CTNNA3: variants seen among roughly 807,000 people sequenced by gnomAD.
CTNNA3 encodes catenin alpha 3, also known as catenin alpha-3.
In CTNNA3, 76 loss-of-function variants were observed where a neutral mutation model predicts 95.7. That is an observed-to-expected ratio of 0.79 (90% CI 0.66 to 0.96). The LOEUF (loss-of-function observed/expected upper bound fraction) is 0.96, where lower values mean the gene tolerates loss of function less well. CTNNA3 is among the 40% of genes least tolerant of loss of function. The pLI, the probability that CTNNA3 is intolerant of heterozygous loss-of-function variation, is 0.00. For synonymous variants in CTNNA3, 431 were observed against 374.4 expected (o/e 1.15, Z -1.74); for missense variants, 1,191 against 1,089.8 (o/e 1.09, Z -1.31).
intron 10 of CTNNA3, among the ~76,000 whole-genome samples, chr10:66,573,236 T>C (rs1378170163): frequency 6.6e-6 from 1 of 152,174 alleles, no homozygotes; most frequent in Non-Finnish European, 1.5e-5. Flanking sequence ...ATTTCAGTGT[T>C]AGGCCTAGCC....
chr10:66,200,942 T>C (rs188199444), intron 13 of CTNNA3, among the ~76,000 whole-genome samples: 5 of 152,150 alleles, frequency 3.3e-5, no homozygotes, highest in African/African-American at 1.2e-4. Flanking sequence ...ATTTTTCTTA[T>C]TATCCATTGT....
rs139467878 is a variant in CTNNA3, at chr10:67,519,338, T to C, written c.579+2504A>G. Among the ~76,000 whole-genome samples the C allele has an allele frequency of 4.6e-5, 7 of 152,262 alleles. No individual in the cohort carries two copies. In the East Asian group the frequency reaches 1.4e-3, roughly 29 times the overall value. On this transcript the variant is annotated intron_variant, in intron 5 of 17. Transcript: ENST00000433211. Reference sequence around the variant, plus strand: ...TTATAGTCAATTCATTGGACATCCATAATTCAGAGTTAACACTGGCATTTT... The same window carrying C: ...TTATAGTCAATTCATTGGACATCCACAATTCAGAGTTAACACTGGCATTTT...
chr10:67,498,674 G>A (rs1228607981), intron 5 of CTNNA3, among the ~76,000 whole-genome samples: 2 of 152,044 alleles, frequency 1.3e-5, no homozygotes, highest in Non-Finnish European at 2.9e-5. Context: ...TTATTCCTAG[G>A]TATTTTATTC....
At chr10:66,933,710 A>T (rs186234681) in intron 7 of CTNNA3, among the ~76,000 whole-genome samples, 1 of 152,226 alleles carries the variant, frequency 6.6e-6, no homozygotes, top group African/African-American at 2.4e-5. Context: ...TTATTGAAAA[A>T]TCACTGGATA....
intron 9 of CTNNA3, among the ~76,000 whole-genome samples, chr10:66,751,866 G>A (rs1002912139): frequency 2.6e-5 from 4 of 152,104 alleles, no homozygotes; most frequent in Non-Finnish European, 2.9e-5. Flanking sequence ...GATTTATGTA[G>A]TATAAAAATA....
intron 7 of CTNNA3, among the ~76,000 whole-genome samples, chr10:67,079,858 AACACACACACACACACACACACACAC>A (rs199928311): frequency 5.7e-5 from 8 of 141,362 alleles, no homozygotes; most frequent in Middle Eastern, 3.5e-3. Flanking sequence ...AAAAAAACAA[AACACACACACACACACACACACACAC>A]ACACACACAC....
intron 11 of CTNNA3, among the ~76,000 whole-genome samples, chr10:66,383,928 C>G (rs2092865207): frequency 6.6e-6 from 1 of 152,008 alleles, no homozygotes; most frequent in Non-Finnish European, 1.5e-5. Flanking sequence ...GCCTGCCTTA[C>G]AAGAGCTCCT....
chr10:67,126,947 T>C (rs1173313761), intron 7 of CTNNA3, among the ~76,000 whole-genome samples: 4 of 152,224 alleles, frequency 2.6e-5, no homozygotes, highest in African/African-American at 9.6e-5. Context: ...TTTTTTCTTC[T>C]GTTAGGGAGC....
chr10:66,110,739 G>A (rs1454449963), intron 13 of CTNNA3, among the ~76,000 whole-genome samples: 1 of 152,072 alleles, frequency 6.6e-6, no homozygotes, highest in Non-Finnish European at 1.5e-5. Context: ...ATATTCGATT[G>A]TCTTACATAT....
intron 13 of CTNNA3, among the ~76,000 whole-genome samples, chr10:66,124,960 A>G (rs1350353910): frequency 6.6e-6 from 1 of 152,182 alleles, no homozygotes; most frequent in Admixed American, 6.5e-5. Context: ...GAGTAGAGTA[A>G]ATTTTTTGAA....
At chr10:66,401,899 T>G (rs542983032) in intron 11 of CTNNA3, among the ~76,000 whole-genome samples, 17 of 152,200 alleles carry the variant, frequency 1.1e-4, no homozygotes, top group Non-Finnish European at 2.1e-4. Flanking sequence ...CCTCAGGTGA[T>G]CCACCTGCCT....
intron 7 of CTNNA3, among the ~76,000 whole-genome samples, chr10:66,783,624 G>A (rs1276810133): frequency 7.6e-6 from 1 of 132,112 alleles, no homozygotes. Flanking sequence ...CGATTACACT[G>A]TGAGCTCCTG....
intron 12 of CTNNA3, among the ~76,000 whole-genome samples, chr10:66,346,246 T>TATATATAGAGAGAGAG (rs1416945569): frequency 3.6e-4 from 10 of 27,778 alleles, no homozygotes; most frequent in Non-Finnish European, 7.6e-4. Context: ...TATATATATA[T>TATATATAGAGAGAGAG]AGAGAGAGAG....
chr10:66,780,402 A>G (rs1048957681), intron 7 of CTNNA3, among the ~76,000 whole-genome samples: 7 of 81,628 alleles, frequency 8.6e-5, no homozygotes, highest in African/African-American at 2.9e-4. Flanking sequence ...TAAGGACTCT[A>G]TAATAGAGTA....
chr10:66,981,208 C>A (rs1455780381), intron 7 of CTNNA3, among the ~76,000 whole-genome samples: 1 of 152,130 alleles, frequency 6.6e-6, no homozygotes, highest in Non-Finnish European at 1.5e-5. Context: ...CCAGCCACAT[C>A]CAGTTTTTCT....
At chr10:67,595,296 CT>C (rs755276133) in intron 3 of CTNNA3, among the ~76,000 whole-genome samples, 1 of 152,168 alleles carries the variant, frequency 6.6e-6, no homozygotes, top group Non-Finnish European at 1.5e-5. Context: ...CCTCTTAACA[CT>C]GCTTTAGCTG....
At chr10:67,263,604 T>G (rs1454604699) in intron 5 of CTNNA3, among the ~76,000 whole-genome samples, 1 of 152,164 alleles carries the variant, frequency 6.6e-6, no homozygotes, top group Non-Finnish European at 1.5e-5. Flanking sequence ...CTCTCCAGCC[T>G]CCCTGCTTCA....
At chr10:66,843,618 G>A (rs988460100) in intron 7 of CTNNA3, among the ~76,000 whole-genome samples, 10 of 152,178 alleles carry the variant, frequency 6.6e-5, no homozygotes, top group Admixed American at 1.3e-4. Context: ...ACAGAGTAGG[G>A]AAAGCATCTT....
chr10:67,699,956 G>C (rs1019677554), upstream of CTNNA3, among the ~76,000 whole-genome samples: 3 of 152,204 alleles, frequency 2.0e-5, no homozygotes, highest in Non-Finnish European at 4.4e-5. Context: ...AAAAGACAGC[G>C]CACCAGGAGA....
Sources: allele counts gnomAD v4.1 joint callset (sites outside exome capture counted in the v4.1 genomes callset), GRCh38; gene constraint gnomAD v4.1.1; transcripts MANE v1.5; gene names NCBI Gene and HGNC (gene_info 2026-07-23, HGNC 2026-07-21).